Variants in TAS2R1 observed in about 807,000 individuals in gnomAD.
TAS2R1 encodes taste receptor type 2 member 1.
For synonymous variants in TAS2R1, 141 were observed against 134.2 expected (o/e 1.05, Z -0.35); for missense variants, 370 against 353.4 (o/e 1.05, Z -0.38).
At chr5:9,743,250 G>A in the TAS2R1 span, among the ~76,000 whole-genome samples, 1 of 151,880 alleles carries the variant, frequency 6.6e-6, no homozygotes, top group Non-Finnish European at 1.5e-5. Flanking sequence ...TTCCCCTCTG[G>A]ATGCTAATGA....
chr5:9,851,731 C>T, the TAS2R1 span, among the ~76,000 whole-genome samples: 1 of 152,140 alleles, frequency 6.6e-6, no homozygotes, highest in Non-Finnish European at 1.5e-5. Flanking sequence ...GACCAATATG[C>T]TGCCCAGTAC....
At chr5:9,633,946 A>G (rs1739922878), upstream of TAS2R1, among the ~76,000 whole-genome samples, 2 of 152,066 alleles carry the variant, frequency 1.3e-5, no homozygotes, top group Admixed American at 1.3e-4. Context: ...TTTTAGTTTA[A>G]TTAGGTCCCA....
intron 2 of TAS2R1, among the ~76,000 whole-genome samples, chr5:9,640,510 A>AC (rs922790542): frequency 2.0e-5 from 3 of 150,662 alleles, no homozygotes; most frequent in South Asian, 2.1e-4. Context: ...AAAAAAAAAA[A>AC]AAAAAAAAAA....
At chr5:9,846,059 G>A in the TAS2R1 span, among the ~76,000 whole-genome samples, 1 of 152,134 alleles carries the variant, frequency 6.6e-6, no homozygotes, top group African/African-American at 2.4e-5. Flanking sequence ...ATAGAAAACT[G>A]GGGCAATAAA....
At chr5:9,902,596 CA>C in the TAS2R1 span, 1 of 152,004 alleles carries the variant, frequency 6.6e-6, no homozygotes, top group Non-Finnish European at 1.5e-5. Context: ...GGTCACAGGG[CA>C]AACTTCTGCC....
chr5:9,740,522 A>G, the TAS2R1 span, among the ~76,000 whole-genome samples: 2 of 152,228 alleles, frequency 1.3e-5, no homozygotes, highest in African/African-American at 4.8e-5. Flanking sequence ...TAACAAAAAG[A>G]CAAATTTACA....
At chr5:9,671,871 G>A (rs1740765707) in intron 1 of TAS2R1, among the ~76,000 whole-genome samples, 1 of 152,068 alleles carries the variant, frequency 6.6e-6, no homozygotes, top group Admixed American at 6.6e-5. Flanking sequence ...TAAAGCTGGA[G>A]GCATCACATT....
At chr5:9,825,835 A>G in the TAS2R1 span, among the ~76,000 whole-genome samples, 2 of 152,178 alleles carry the variant, frequency 1.3e-5, no homozygotes, top group East Asian at 1.9e-4. Context: ...TTTTTTTTGT[A>G]TATTCATCTG....
the TAS2R1 span, among the ~76,000 whole-genome samples, chr5:9,753,259 T>A: frequency 2.0e-5 from 3 of 152,252 alleles, no homozygotes; most frequent in African/African-American, 7.2e-5. Context: ...TTTGAGATGG[T>A]ATCTCATTGT....
the TAS2R1 span, among the ~76,000 whole-genome samples, chr5:9,753,923 C>A: frequency 6.6e-6 from 1 of 152,074 alleles, no homozygotes; most frequent in African/African-American, 2.4e-5. Context: ...GTTTTGGTAC[C>A]AGTACCATGC....
At chr5:9,678,697 C>T (rs761625401) in intron 1 of TAS2R1, among the ~76,000 whole-genome samples, 4 of 152,080 alleles carry the variant, frequency 2.6e-5, no homozygotes, top group African/African-American at 4.8e-5. Flanking sequence ...AATCAAACAC[C>T]GCATGTTCTC....
chr5:9,716,018 C>T (rs1461068129), upstream of TAS2R1, among the ~76,000 whole-genome samples: 2 of 152,190 alleles, frequency 1.3e-5, no homozygotes, highest in Admixed American at 6.5e-5. Context: ...ATTACCAAGG[C>T]GTGGAAGGTG....
At position 9,628,970 on chromosome 5, in the gene TAS2R1, GA is replaced by G; in HGVS notation, c.*162del. On this transcript the variant is annotated 3_prime_UTR_variant, in exon 1 of 1. Coordinates refer to ENST00000382492, the MANE Select transcript of TAS2R1 (RefSeq NM_019599.3). ...GCTTTCAAAATCAGTTTAACTGCTT[GA>G]AAAAGTAGCATATCCACAGAAATAC... is the stretch of plus-strand genomic sequence containing the variant. The G allele has an allele frequency of 1.5e-6, 1 of 660,732 alleles. No individual in the cohort carries two copies. Among genetic ancestry groups the G allele is most frequent in the Non-Finnish European group, 2.3e-6 (1 of 428,974 alleles). 40.9% of individuals were successfully genotyped at this position (660,732 alleles called of 1,614,324 possible). A position where few individuals can be genotyped will look rare whatever the true frequency, so the allele number is the denominator to read the frequency against.
In TAS2R1 at chr5:9,678,099, C is replaced by A. The variant is rs552356493; in HGVS notation, c.-241-18518G>T. Among the ~76,000 whole-genome samples, 4 of 152,052 alleles carry A rather than the reference C, an allele frequency of 2.6e-5. No homozygotes were observed. In the East Asian group the frequency reaches 5.8e-4, roughly 22 times the overall value. On this transcript the variant is annotated intron_variant, in intron 1 of 2. Transcript: ENST00000506620. ...AACATATTTACAAAAAGACAAACAA[C>A]CCCATTAAAAAAATGGGCAAAGGAC...
chr5:9,901,371 C>A, the TAS2R1 span, among the ~76,000 whole-genome samples: 1 of 151,930 alleles, frequency 6.6e-6, no homozygotes, highest in African/African-American at 2.4e-5. Context: ...TGAGAGAAAA[C>A]CATCAGCCTA....
chr5:9,857,226 T>A, the TAS2R1 span, among the ~76,000 whole-genome samples: 2 of 152,182 alleles, frequency 1.3e-5, no homozygotes, highest in African/African-American at 4.8e-5. Flanking sequence ...GTTTTAGTAT[T>A]TGACAGTACG....
rs79906977 is a variant in TAS2R1, at chr5:9,644,064, C to T, written c.-80-14072G>A. Among the ~76,000 whole-genome samples the T allele has an allele frequency of 1.9e-3, 295 of 152,216 alleles. 1 individual carries two copies. Among genetic ancestry groups the T allele is most frequent in the African/African-American group, 6.9e-3 (285 of 41,532 alleles). On this transcript the variant is annotated intron_variant, in intron 2 of 2. Transcript: ENST00000506620. ...GTGGGGCAGTATGAATAAGGCAGAG[C>T]AGAGAGGAAGTTAGAGGGGAAGGCA...
intron 1 of TAS2R1, among the ~76,000 whole-genome samples, chr5:9,663,174 C>T (rs1186886041): frequency 6.6e-6 from 1 of 152,010 alleles, no homozygotes; most frequent in Non-Finnish European, 1.5e-5. Flanking sequence ...TTAGCTTAAT[C>T]TCATGCAAAC....
chr5:9,820,351 C>T, the TAS2R1 span, among the ~76,000 whole-genome samples: 20 of 152,132 alleles, frequency 1.3e-4, no homozygotes, highest in African/African-American at 4.3e-4. Flanking sequence ...CCTATCTCTG[C>T]TTTGAGCCTA....
Sources: allele counts gnomAD v4.1 joint callset (sites outside exome capture counted in the v4.1 genomes callset), GRCh38; gene constraint gnomAD v4.1.1; transcripts MANE v1.5; gene names NCBI Gene and HGNC (gene_info 2026-07-23, HGNC 2026-07-21).